SAMD12: variants seen among roughly 807,000 people sequenced by gnomAD.
The protein encoded by SAMD12 is sterile alpha motif domain containing 12.
A neutral mutation model predicts 15.0 loss-of-function variants in SAMD12; 9 were observed. That is an observed-to-expected ratio of 0.60 (90% CI 0.36 to 1.05). The LOEUF (loss-of-function observed/expected upper bound fraction) is 1.05, where lower values mean the gene tolerates loss of function less well. Ranked by LOEUF, SAMD12 falls within the 50% of genes least tolerant of loss-of-function variation. The pLI, the probability that SAMD12 is intolerant of heterozygous loss-of-function variation, is 0.01. For synonymous variants in SAMD12, 86 were observed against 90.1 expected, an observed-to-expected ratio of 0.96 and a Z score of 0.25; for missense variants, 230 against 234.2, an observed-to-expected ratio of 0.98 and a Z score of 0.12.
chr8:118,609,600 C>G (rs1828059539), intron 1 of SAMD12, among the ~76,000 whole-genome samples: 1 of 152,252 alleles, frequency 6.6e-6, no homozygotes, highest in East Asian at 1.9e-4. Context: ...TAGAACTAAA[C>G]AATCCAAAAT....
chr8:118,493,068 C>A (rs1824495500), intron 2 of SAMD12, among the ~76,000 whole-genome samples: 1 of 152,134 alleles, frequency 6.6e-6, no homozygotes, highest in Non-Finnish European at 1.5e-5. Flanking sequence ...TGGCCTAAAA[C>A]CAGTGATTTG....
chr8:118,597,880 C>A (rs1207881302), intron 1 of SAMD12, among the ~76,000 whole-genome samples: 1 of 152,174 alleles, frequency 6.6e-6, no homozygotes, highest in Non-Finnish European at 1.5e-5. Flanking sequence ...TCTCCCCCAA[C>A]AAAAATTGTA....
Position 118,379,401 on chromosome 8 carries a change from T to C in SAMD12, c.*16A>G. The C allele has an allele frequency of 1.2e-6, 2 of 1,608,680 alleles. No individual in the cohort carries two copies. Among genetic ancestry groups the C allele is most frequent in the Non-Finnish European group, 1.7e-6 (2 of 1,177,072 alleles). ...CCCTAGTGAGCTATGAAAAAAGTTTTCAAAGGGAAGTAATCTTAAATCTGT... is the reference window on the plus strand; with the variant it reads ...CCCTAGTGAGCTATGAAAAAAGTTTCCAAAGGGAAGTAATCTTAAATCTGT... On this transcript the variant is annotated 3_prime_UTR_variant, in exon 4 of 4. Coordinates refer to ENST00000314727, the MANE Select transcript of SAMD12 (RefSeq NM_207506.3).
At chr8:118,176,426 A>G in the SAMD12 span, among the ~76,000 whole-genome samples, 2 of 152,230 alleles carry the variant, frequency 1.3e-5, no homozygotes, top group African/African-American at 4.8e-5. Flanking sequence ...ATGCTCATCA[A>G]TGGTGGACTG....
intron 1 of SAMD12, among the ~76,000 whole-genome samples, chr8:118,585,024 T>C (rs1362561962): frequency 6.6e-6 from 1 of 152,170 alleles, no homozygotes; most frequent in East Asian, 1.9e-4. Context: ...GCAGCATTAT[T>C]CATAACAGTC....
intron 4 of SAMD12, among the ~76,000 whole-genome samples, chr8:118,212,392 C>T (rs1388776895): frequency 6.6e-6 from 1 of 152,134 alleles, no homozygotes; most frequent in Admixed American, 6.5e-5. Context: ...CCGCATCAGG[C>T]ATAATTATTA....
chr8:118,226,084 C>G (rs541270423), intron 4 of SAMD12, among the ~76,000 whole-genome samples: 8 of 152,112 alleles, frequency 5.3e-5, no homozygotes, highest in Non-Finnish European at 1.0e-4. Context: ...AGGCACTGTC[C>G]GAAGTGCTGG....
At chr8:118,577,958 C>T (rs554764521) in intron 2 of SAMD12, among the ~76,000 whole-genome samples, 2 of 152,078 alleles carry the variant, frequency 1.3e-5, no homozygotes, top group African/African-American at 2.4e-5. Context: ...TAAAAGAATA[C>T]ATATCTTATT....
chr8:118,273,393 A>T (rs1169436544), intron 4 of SAMD12, among the ~76,000 whole-genome samples: 1 of 152,194 alleles, frequency 6.6e-6, no homozygotes, highest in Non-Finnish European at 1.5e-5. Flanking sequence ...ATTCAAGATG[A>T]GATTTGGATG....
chr8:118,499,792 T>C (rs542678897), intron 2 of SAMD12, among the ~76,000 whole-genome samples: 42 of 152,234 alleles, frequency 2.8e-4, no homozygotes, highest in African/African-American at 9.4e-4. Context: ...ATCTCTTCCC[T>C]TGAGTAATGA....
At chr8:118,580,518 C>T (rs926477583) in intron 2 of SAMD12, among the ~76,000 whole-genome samples, 197 bp downstream of exon 2, 1 of 152,104 alleles carries the variant, frequency 6.6e-6, no homozygotes, top group East Asian at 1.9e-4. Flanking sequence ...TGGCCACAAA[C>T]GTGTTTCAAT....
intron 3 of SAMD12, among the ~76,000 whole-genome samples, chr8:118,436,689 T>TA (rs1335365597): frequency 2.0e-5 from 3 of 152,318 alleles, no homozygotes; most frequent in Non-Finnish European, 2.9e-5. Context: ...TAGCACAGGA[T>TA]ATTTACCAGC....
chr8:118,187,740 C>T (rs1393281538), downstream of SAMD12, among the ~76,000 whole-genome samples: 3 of 152,106 alleles, frequency 2.0e-5, no homozygotes, highest in African/African-American at 7.2e-5. Flanking sequence ...TTGGGGAGAA[C>T]ATGTTAACTA....
At chr8:118,204,377 G>C (rs1373977011) in intron 4 of SAMD12, among the ~76,000 whole-genome samples, 5 of 152,264 alleles carry the variant, frequency 3.3e-5, no homozygotes, top group Non-Finnish European at 5.9e-5. Flanking sequence ...ATTTGACGAA[G>C]AGAAGCGGGA....
chr8:118,132,054 C>A, the SAMD12 span, among the ~76,000 whole-genome samples: 3 of 152,106 alleles, frequency 2.0e-5, no homozygotes, highest in Admixed American at 1.3e-4. Flanking sequence ...TATACACTTA[C>A]AATATTTTTC....
intron 2 of SAMD12, among the ~76,000 whole-genome samples, chr8:118,471,369 G>C (rs72678131): frequency 6.6e-6 from 1 of 152,142 alleles, no homozygotes; most frequent in African/African-American, 2.4e-5. Flanking sequence ...TGGTGAGGGG[G>C]AAGGTTAGCA....
the SAMD12 span, among the ~76,000 whole-genome samples, chr8:118,131,980 T>G: frequency 6.6e-6 from 1 of 152,198 alleles, no homozygotes; most frequent in African/African-American, 2.4e-5. Context: ...ATTATCCTAT[T>G]ATAATGGGTA....
chr8:118,482,437 G>T (rs1586752834), intron 2 of SAMD12, among the ~76,000 whole-genome samples: 1 of 151,898 alleles, frequency 6.6e-6, no homozygotes. Flanking sequence ...ACACCTGTGG[G>T]TTCAACCAAC....
chr8:118,359,561 C>G (rs539544206), intron 4 of SAMD12, among the ~76,000 whole-genome samples: 3 of 152,142 alleles, frequency 2.0e-5, no homozygotes, highest in Non-Finnish European at 1.5e-5. Context: ...GTTATAGCAA[C>G]GAACGTAGCA....
Sources: gnomAD v4.1 joint callset for allele counts (sites outside exome capture counted in the v4.1 genomes callset) on GRCh38, gnomAD v4.1.1 for gene constraint, MANE v1.5 for transcripts, NCBI Gene and HGNC (gene_info 2026-07-23, HGNC 2026-07-21) for gene names.